Variants in CATSPERG observed in about 807,000 individuals in gnomAD.
CATSPERG encodes the protein catsper channel auxiliary subunit gamma, also known as cation channel sperm-associated auxiliary subunit gamma.
Under a neutral mutation model 145.0 loss-of-function variants are expected in CATSPERG, and 115 were observed. The ratio of observed to expected loss-of-function variants is 0.79; its 90% CI spans 0.68 to 0.93. The LOEUF (loss-of-function observed/expected upper bound fraction) is 0.93, where lower values mean the gene tolerates loss of function less well. Ranked by LOEUF, CATSPERG falls within the 40% of genes least tolerant of loss-of-function variation. The pLI, the probability that CATSPERG is intolerant of heterozygous loss-of-function variation, is 0.00. For synonymous variants in CATSPERG, 588 were observed against 589.0 expected (o/e 1.00, Z 0.02); for missense variants, 1,296 against 1,490.1 (o/e 0.87, Z 2.14).
At chr19:38,337,011 G>A (rs1461311680) in intron 1 of CATSPERG, 1 of 620,900 alleles carries the variant, frequency 1.6e-6, no homozygotes, top group Admixed American at 2.9e-5. Context: ...AGGAACAAGA[G>A]CAGAGGCGGG....
chr19:38,339,359 T>G (rs12460280), intron 3 of CATSPERG, among the ~76,000 whole-genome samples: 17,031 of 152,140 alleles, frequency 0.11, 1,386 homozygotes, highest in East Asian at 0.4. Flanking sequence ...TGGTGCATGA[T>G]GGTAGGCTTC....
At chr19:38,362,020 G>A (rs1465420661) in intron 17 of CATSPERG, 159 bp downstream of exon 17, 1 of 922,604 alleles carries the variant, frequency 1.1e-6, no homozygotes, top group African/African-American at 1.7e-5. Context: ...GGCTTGAGCA[G>A]GACTTCCAGG....
intron 1 of CATSPERG, 131 bp downstream of exon 1, chr19:38,336,006 T>C: frequency 8.7e-6 from 2 of 229,242 alleles, no homozygotes; most frequent in South Asian, 5.5e-5. Context: ...GGAAGAGTCG[T>C]GGGAGCTGGG....
intron 7 of CATSPERG, among the ~76,000 whole-genome samples, 183 bp from the exon 8 acceptor site, chr19:38,352,078 C>T (rs1027522919): frequency 4.6e-5 from 7 of 152,216 alleles, no homozygotes; most frequent in African/African-American, 1.4e-4. Flanking sequence ...ACCTGCTTCT[C>T]TGGTCCATAT....
chr19:38,368,290 GTC>G (rs760040635), intron 26 of CATSPERG, among the ~76,000 whole-genome samples, 153 bp downstream of exon 26: 18 of 152,240 alleles, frequency 1.2e-4, no homozygotes, highest in Non-Finnish European at 2.1e-4. Flanking sequence ...ACAAGCTGAA[GTC>G]TCTGCCTGGA....
At chr19:38,339,549 C>G (rs1969902396) in intron 3 of CATSPERG, among the ~76,000 whole-genome samples, 1 of 152,102 alleles carries the variant, frequency 6.6e-6, no homozygotes, top group Admixed American at 6.6e-5. Context: ...ACTGCAGTCT[C>G]TGCCTCCTGG....
At chr19:38,343,557 T>C (rs1391221746) in intron 3 of CATSPERG, 23 bp from the exon 4 acceptor site, 5 of 1,533,644 alleles carry the variant, frequency 3.3e-6, no homozygotes, top group Non-Finnish European at 4.4e-6. Flanking sequence ...AAGGACACAC[T>C]TGTGGGGCCA....
chr19:38,357,874 C>A (rs1168166797), intron 11 of CATSPERG, among the ~76,000 whole-genome samples: 1 of 152,056 alleles, frequency 6.6e-6, no homozygotes, highest in Non-Finnish European at 1.5e-5. Flanking sequence ...ATCACTTGAA[C>A]CTGGGAGGCA....
In CATSPERG at chr19:38,347,290, A is replaced by G. The variant is rs549672868; in HGVS notation, c.825+685A>G. On this transcript the variant is annotated intron_variant, in intron 7 of 28. Transcript: ENST00000409235. The stretch of plus-strand genomic sequence containing the variant: ...CTACTCAGGAGGCTGAGGCAGGAGA[A>G]TGGCATGAAGCCGGGAGGCGGAGCT... 2.6e-5 allele frequency among the ~76,000 whole-genome samples: 4 copies of G among 152,332 alleles called. No individual in the cohort carries two copies. In the South Asian group the frequency reaches 8.3e-4, roughly 32 times the overall value.
At chr19:38,347,239 G>A (rs1405193735) in intron 7 of CATSPERG, among the ~76,000 whole-genome samples, 4 of 152,102 alleles carry the variant, frequency 2.6e-5, no homozygotes, top group Admixed American at 6.6e-5. Context: ...AAAACTGGGC[G>A]TGGTAGTGGG....
Position 38,344,056 on chromosome 19 carries a change from G to A in CATSPERG, c.533G>A (p.Gly178Asp). The A allele has an allele frequency of 6.4e-7, 1 of 1,551,616 alleles. No individual in the cohort carries two copies. The highest frequency in any genetic ancestry group is 1.2e-5 in the South Asian group (1 of 84,048). ...SWYTPMPIKK[G>D]SVVMRVDISS... ...TACACGCCCATGCCCATCAAGAAAG[G>A]CAGTGTGGTCATGCGTGTGGACATC... is the stretch of plus-strand genomic sequence containing the variant. Residue 178 changes from glycine to aspartate, a missense_variant, in exon 5 of 29, where the codon GGC becomes GAC. By Grantham distance (94) the Gly-to-Asp change is moderately conservative. Coordinates refer to ENST00000409235, the MANE Select transcript of CATSPERG (RefSeq NM_021185.5).
chr19:38,360,534 C>T lies in CATSPERG; in HGVS notation c.1654C>T (p.Pro552Ser). 1.9e-6 allele frequency: 3 copies of T among 1,614,158 alleles called. No homozygotes were observed. In the African/African-American group the frequency reaches 4.0e-5, roughly 22 times the overall value. ...EGSYRVYQLF[P>S]SKGWQVHISL... ...CAGCTACCGGGTCTACCAGCTGTTCCCTTCCAAGGGCTGGCAGGTGCACAT... is the reference window on the plus strand; with the variant it reads ...CAGCTACCGGGTCTACCAGCTGTTCTCTTCCAAGGGCTGGCAGGTGCACAT... The change falls in exon 15 of 29, where the codon CCT (proline) becomes TCT (serine). Residue 552 changes from proline (P) to serine (S), a missense_variant. Physicochemically the swap from Pro to Ser is moderately conservative, Grantham distance 74. Coordinates refer to ENST00000409235, the MANE Select transcript of CATSPERG (RefSeq NM_021185.5).
At chr19:38,340,117 G>A (rs1049501180) in intron 3 of CATSPERG, among the ~76,000 whole-genome samples, 12 of 151,986 alleles carry the variant, frequency 7.9e-5, no homozygotes, top group African/African-American at 2.9e-4. Flanking sequence ...GCCTCCCAAA[G>A]TGCTGGGACT....
chr19:38,370,779 A>T lies in CATSPERG; in HGVS notation c.3467A>T (p.Gln1156Leu). The T allele has an allele frequency of 1.9e-6, 3 of 1,613,834 alleles. No homozygotes were observed. Among genetic ancestry groups the T allele is most frequent in the Non-Finnish European group, 2.5e-6 (3 of 1,179,894 alleles). The change falls in exon 29 of 29, where the codon CAG becomes CTG. Residue 1156 changes from glutamine (Q) to leucine (L), a missense_variant. Transcript: ENST00000409235. ...RAEPKEAVER[Q>L]LMT ...GAACCCAAGGAAGCCGTGGAGAGACAGTTGATGACCTGAGTGTCCCACCTG... is the reference window on the plus strand; with the variant it reads ...GAACCCAAGGAAGCCGTGGAGAGACTGTTGATGACCTGAGTGTCCCACCTG...
At chr19:38,341,888 G>A (rs1446831217) in intron 3 of CATSPERG, among the ~76,000 whole-genome samples, 2 of 150,856 alleles carry the variant, frequency 1.3e-5, no homozygotes, top group South Asian at 2.1e-4. Flanking sequence ...GGCAACAAGT[G>A]CAAAACTCCG....
rs1168798514 is a variant in CATSPERG at position 38,343,219 on chromosome 19, G to C, written c.325-361G>C. Among the ~76,000 whole-genome samples the C allele has an allele frequency of 2.0e-5, 3 of 152,036 alleles. No homozygotes were observed. The South Asian group carries it at 6.2e-4, about 32-fold the overall frequency. On this transcript the variant is annotated intron_variant, in intron 3 of 28. Transcript: ENST00000409235. ...TCCCTGGAGTGGAAAGCAGCACCCTGGGTGCCACATCCCTCCCACCTTCCC... is the reference window on the plus strand; with the variant it reads ...TCCCTGGAGTGGAAAGCAGCACCCTCGGTGCCACATCCCTCCCACCTTCCC...
chr19:38,365,051 C>T lies in CATSPERG; in HGVS notation c.2557-10C>T, dbSNP rs1185755862. Reference sequence around the variant, plus strand: ...CGGGGATCACCATCTTCACCTGCTCCTACCCACAGGTGGTGGGTTCATCCG... The same window carrying T: ...CGGGGATCACCATCTTCACCTGCTCTTACCCACAGGTGGTGGGTTCATCCG... On this transcript the variant is annotated splice_polypyrimidine_tract_variant and intron_variant, in intron 21 of 28. Transcript: ENST00000409235. 6.2e-7 allele frequency: 1 copy of T among 1,614,074 alleles called. No individual in the cohort carries two copies. Among genetic ancestry groups the T allele is most frequent in the Non-Finnish European group, 8.5e-7 (1 of 1,180,002 alleles).
intron 14 of CATSPERG, 29 bp downstream of exon 14, chr19:38,359,610 C>T: frequency 6.3e-7 from 1 of 1,595,322 alleles, no homozygotes; most frequent in African/African-American, 1.3e-5. Flanking sequence ...CTCCCCGTTC[C>T]CTCTCTGCCC....
intron 22 of CATSPERG, chr19:38,365,554 G>C (rs1205823366): frequency 5.6e-6 from 1 of 179,094 alleles, no homozygotes; most frequent in African/African-American, 2.4e-5. Flanking sequence ...TTCCAGGTGT[G>C]AGCCACCATG....
Sources: allele counts gnomAD v4.1 joint callset (sites outside exome capture counted in the v4.1 genomes callset), GRCh38; gene constraint gnomAD v4.1.1; transcripts MANE v1.5; gene names NCBI Gene and HGNC (gene_info 2026-07-23, HGNC 2026-07-21).